KCNK2: variants seen among roughly 807,000 people sequenced by gnomAD.
KCNK2 encodes potassium two pore domain channel subfamily K member 2.
KCNK2 carries 21 observed loss-of-function variants against 40.5 expected under a neutral mutation model. That is an observed-to-expected ratio of 0.52 (90% CI 0.37 to 0.75). KCNK2 has a LOEUF of 0.75. Ranked by LOEUF, KCNK2 falls within the 30% of genes least tolerant of loss-of-function variation. KCNK2 has a pLI of 0.00. For synonymous variants in KCNK2, 191 were observed against 202.2 expected, an observed-to-expected ratio of 0.94 and a Z score of 0.47; for missense variants, 399 against 531.6, an observed-to-expected ratio of 0.75 and a Z score of 2.45.
intron 1 of KCNK2, among the ~76,000 whole-genome samples, chr1:215,084,221 C>CTTT (rs71167806): frequency 6.9e-6 from 1 of 145,958 alleles, no homozygotes; most frequent in African/African-American, 2.5e-5. Flanking sequence ...CACACACACT[C>CTTT]TTAAAAATAC....
chr1:215,131,425 A>T (rs1661673953), intron 3 of KCNK2, among the ~76,000 whole-genome samples: 1 of 146,950 alleles, frequency 6.8e-6, no homozygotes, highest in Non-Finnish European at 1.5e-5. Context: ...TTATATAATT[A>T]TATTATTATG....
At chr1:215,147,502 C>T (rs1176276375) in intron 3 of KCNK2, among the ~76,000 whole-genome samples, 2 of 152,178 alleles carry the variant, frequency 1.3e-5, no homozygotes, top group African/African-American at 2.4e-5. Flanking sequence ...AGGCTCTTTC[C>T]TCTGCATAAC....
intron 2 of KCNK2, among the ~76,000 whole-genome samples, chr1:215,102,443 A>G (rs1660261957): frequency 6.6e-6 from 1 of 152,086 alleles, no homozygotes; most frequent in Non-Finnish European, 1.5e-5. Flanking sequence ...AACCTAAGTT[A>G]TTACAAAAGA....
chr1:215,040,562 A>G (rs1356326039), intron 1 of KCNK2, among the ~76,000 whole-genome samples: 2 of 152,212 alleles, frequency 1.3e-5, no homozygotes, highest in African/African-American at 4.8e-5. Context: ...CTTAATAGAA[A>G]CAGAGATACT....
chr1:215,072,035 T>G (rs1453781520), intron 1 of KCNK2, among the ~76,000 whole-genome samples: 1 of 152,220 alleles, frequency 6.6e-6, no homozygotes, highest in Non-Finnish European at 1.5e-5. Context: ...TTATTTTGAT[T>G]AGTGTGTGTT....
At chr1:215,187,054 C>T (rs182441975) in intron 5 of KCNK2, among the ~76,000 whole-genome samples, 10 of 152,252 alleles carry the variant, frequency 6.6e-5, no homozygotes, top group South Asian at 2.1e-4. Flanking sequence ...ACTGCAGCCT[C>T]GACATTCTGG....
chr1:215,145,114 C>T (rs1662358243), intron 3 of KCNK2, among the ~76,000 whole-genome samples: 2 of 152,140 alleles, frequency 1.3e-5, no homozygotes, highest in South Asian at 4.1e-4. Context: ...GCATCATCAT[C>T]ATTGCCACCA....
intron 6 of KCNK2, among the ~76,000 whole-genome samples, chr1:215,206,172 A>G (rs998049869): frequency 3.9e-5 from 6 of 152,196 alleles, no homozygotes; most frequent in African/African-American, 1.4e-4. Flanking sequence ...ATATACTCAT[A>G]TAAGATTGAG....
chr1:215,027,075 T>C (rs1274491007), intron 1 of KCNK2, among the ~76,000 whole-genome samples: 1 of 152,126 alleles, frequency 6.6e-6, no homozygotes, highest in African/African-American at 2.4e-5. Context: ...GAAAAATTTA[T>C]TAAGTCTGCT....
upstream of KCNK2, among the ~76,000 whole-genome samples, chr1:215,078,489 C>A (rs2102520740): frequency 6.6e-6 from 1 of 152,278 alleles, no homozygotes; most frequent in South Asian, 2.1e-4. Flanking sequence ...TCCAGGGCAG[C>A]AGGAGAGAGA....
At position 215,084,963 on chromosome 1, in the gene KCNK2, T is replaced by G. The variant is rs115343804; in HGVS notation, c.47-1405T>G. 2.7e-3 allele frequency among the ~76,000 whole-genome samples: 405 copies of G among 152,340 alleles called. 2 individuals carry two copies. The highest frequency in any genetic ancestry group is 9.6e-3 in the African/African-American group (397 of 41,570). On this transcript the variant is annotated intron_variant, in intron 1 of 6. Transcript: ENST00000444842. ...TAAATATCTTTGTTTGCAAAGCTTCTTTTTGATGGGGAATTACAGATGTAT... is the reference window on the plus strand; with the variant it reads ...TAAATATCTTTGTTTGCAAAGCTTCGTTTTGATGGGGAATTACAGATGTAT...
chr1:215,115,013 G>A (rs1344511668), intron 2 of KCNK2, among the ~76,000 whole-genome samples: 2 of 151,950 alleles, frequency 1.3e-5, no homozygotes, highest in East Asian at 3.9e-4. Flanking sequence ...GTGTGTGTGT[G>A]TGTGTGTGTG....
At chr1:215,233,075 A>C (rs561271214) in intron 6 of KCNK2, among the ~76,000 whole-genome samples, 2 of 152,304 alleles carry the variant, frequency 1.3e-5, no homozygotes, top group South Asian at 2.1e-4. Context: ...TCTATATCTA[A>C]GTATAGTTGG....
chr1:215,042,341 G>T (rs1002026588), intron 1 of KCNK2, among the ~76,000 whole-genome samples: 2 of 152,168 alleles, frequency 1.3e-5, no homozygotes, highest in African/African-American at 4.8e-5. Context: ...GATGTGGGTT[G>T]CCCAGACGGG....
chr1:215,155,630 C>T (rs1210849705), intron 3 of KCNK2, among the ~76,000 whole-genome samples: 14 of 152,112 alleles, frequency 9.2e-5, no homozygotes, highest in Non-Finnish European at 1.8e-4. Context: ...AGTGATTTTC[C>T]TGCCTCAGCC....
chr1:215,159,727 C>T (rs186864451), intron 3 of KCNK2, among the ~76,000 whole-genome samples: 45 of 152,194 alleles, frequency 3.0e-4, no homozygotes, highest in African/African-American at 9.6e-4. Flanking sequence ...TTTACATACT[C>T]ATAAAGTGTT....
chr1:215,016,071 A>G (rs544270244), intron 1 of KCNK2, among the ~76,000 whole-genome samples: 5 of 152,334 alleles, frequency 3.3e-5, no homozygotes, highest in South Asian at 4.1e-4. Flanking sequence ...TGAATACCCA[A>G]TGCAACAAGC....
chr1:215,086,297 CT>C (rs1659432297), intron 1 of KCNK2, 70 bp from the exon 2 acceptor site: 3 of 1,303,304 alleles, frequency 2.3e-6, no homozygotes, highest in South Asian at 2.7e-5. Context: ...TCTCTGACCC[CT>C]TAAAGAAGAA....
At chr1:215,031,600 A>G (rs1005819047) in intron 1 of KCNK2, among the ~76,000 whole-genome samples, 1 of 152,178 alleles carries the variant, frequency 6.6e-6, no homozygotes, top group Non-Finnish European at 1.5e-5. Flanking sequence ...GAGTTGGCAT[A>G]ATGCAAATTC....
Sources: allele counts gnomAD v4.1 joint callset (sites outside exome capture counted in the v4.1 genomes callset), GRCh38; gene constraint gnomAD v4.1.1; transcripts MANE v1.5; gene names NCBI Gene and HGNC (gene_info 2026-07-23, HGNC 2026-07-21).